INSR: variants seen among roughly 807,000 people sequenced by gnomAD.
INSR encodes the protein IR.
INSR carries 67 observed loss-of-function variants against 142.6 expected under a neutral mutation model. The ratio of observed to expected loss-of-function variants is 0.47; its 90% CI spans 0.39 to 0.58. INSR has a LOEUF of 0.58. Ranked by LOEUF, INSR falls within the 20% of genes least tolerant of loss-of-function variation. The probability of loss-of-function intolerance (pLI) is 0.00; values close to 1 mark genes in which losing one functional copy is unlikely to be tolerated. For synonymous variants in INSR, 756 were observed against 743.1 expected (o/e 1.02, Z -0.28); for missense variants, 1,248 against 1,833.2 (o/e 0.68, Z 5.83).
chr19:7,218,726 T>C (rs1363510573), intron 2 of INSR, among the ~76,000 whole-genome samples: 2 of 152,158 alleles, frequency 1.3e-5, no homozygotes, highest in Non-Finnish European at 2.9e-5. Flanking sequence ...ATATTTTTTG[T>C]ACAGATGGGG....
At chr19:7,252,702 G>A (rs1314931558) in intron 2 of INSR, among the ~76,000 whole-genome samples, 1 of 152,136 alleles carries the variant, frequency 6.6e-6, no homozygotes, top group African/African-American at 2.4e-5. Context: ...GGAAACACTC[G>A]GTAATAAAGC....
intron 2 of INSR, among the ~76,000 whole-genome samples, chr19:7,209,688 A>G (rs1975217743): frequency 6.6e-6 from 1 of 152,100 alleles, no homozygotes; most frequent in Non-Finnish European, 1.5e-5. Context: ...TGCTGGGATT[A>G]CAGGTGTGAG....
rs561680639 is a variant in INSR at position 7,122,007 on chromosome 19, G to A, written c.3529+607C>T. Among the ~76,000 whole-genome samples the A allele has an allele frequency of 3.2e-3, 483 of 152,218 alleles. 3 individuals carry two copies. Among genetic ancestry groups the A allele is most frequent in the Middle Eastern group, 0.01 (3 of 294 alleles). ...AAAATACAAAAAGTAGCTGGGTGTG[G>A]TGGCGCACGCCTGTAATCCTAGCTA... On this transcript the variant is annotated intron_variant, in intron 19 of 21. Transcript: ENST00000302850.
chr19:7,236,030 G>T (rs1976149464), intron 2 of INSR, among the ~76,000 whole-genome samples: 1 of 145,224 alleles, frequency 6.9e-6, no homozygotes, highest in African/African-American at 2.6e-5. Flanking sequence ...CTGGAGTGCA[G>T]TGGTGCGATC....
rs536521424 is a variant in INSR, at chr19:7,282,222, G to A, written c.100+11570C>T. Among the ~76,000 whole-genome samples the A allele has an allele frequency of 5.6e-3, 850 of 152,000 alleles. 8 individuals are homozygous for A. The highest frequency in any genetic ancestry group is 0.01 in the Middle Eastern group (3 of 294). On this transcript the variant is annotated intron_variant, in intron 1 of 21. Coordinates refer to ENST00000302850, the MANE Select transcript of INSR (RefSeq NM_000208.4). ...TCTACTAAAAATACAAAAATTAGCT[G>A]GGCGTGGTGGTGTACGCCTGTAATC...
At chr19:7,157,679 G>A (rs56055363) in intron 9 of INSR, among the ~76,000 whole-genome samples, 9,957 of 151,886 alleles carry the variant, frequency 0.066, 433 homozygotes, top group Non-Finnish European at 0.091. Context: ...TGAGATGGAC[G>A]GACACAGCTC....
At chr19:7,276,056 G>A (rs67054370) in intron 1 of INSR, among the ~76,000 whole-genome samples, 39,403 of 152,054 alleles carry the variant, frequency 0.26, 5,366 homozygotes, top group Non-Finnish European at 0.3. Flanking sequence ...GCAGGGCAGA[G>A]AAAGAACTTT....
At chr19:7,258,955 T>G in intron 2 of INSR, among the ~76,000 whole-genome samples, 1 of 144,156 alleles carries the variant, frequency 6.9e-6, no homozygotes, top group Non-Finnish European at 1.6e-5. Context: ...CTTCCTTCCT[T>G]CCTTCCCTCC....
intron 2 of INSR, among the ~76,000 whole-genome samples, chr19:7,208,129 C>A (rs1290213233): frequency 6.6e-6 from 1 of 152,054 alleles, no homozygotes; most frequent in African/African-American, 2.4e-5. Flanking sequence ...TCAAAGACAA[C>A]AACACCCTCT....
At chr19:7,246,880 T>C (rs111484336) in intron 2 of INSR, among the ~76,000 whole-genome samples, 5,280 of 131,610 alleles carry the variant, frequency 0.04, 630 homozygotes, top group African/African-American at 0.18. Flanking sequence ...GGGTGGTTTG[T>C]TACACAGCAA....
chr19:7,168,599 C>T lies in INSR; in HGVS notation c.1484-505G>A, dbSNP rs1973941014. The stretch of plus-strand genomic sequence containing the variant: ...CCTAGAAGACAAACCCTCTCCTAAA[C>T]CTCACCCCAACCTCGCTCTCTCTCC... On this transcript the variant is annotated intron_variant, in intron 6 of 21. Transcript: ENST00000302850. The surrounding 1 kb of genome is among the most constrained non-coding windows in gnomAD (Gnocchi z 4.3). Among the ~76,000 whole-genome samples the T allele has an allele frequency of 6.6e-6, 1 of 152,094 alleles. No individual in the cohort carries two copies. The highest frequency in any genetic ancestry group is 1.5e-5 in the Non-Finnish European group (1 of 68,022).
At chr19:7,167,933 C>T (rs765957135) in intron 7 of INSR, 35 bp downstream of exon 7, 12 of 1,613,160 alleles carry the variant, frequency 7.4e-6, no homozygotes, top group East Asian at 4.5e-5. Context: ...AGCCAGCCCT[C>T]GCCTCCTCAG....
intron 11 of INSR, among the ~76,000 whole-genome samples, chr19:7,147,804 G>A (rs1973220318): frequency 6.6e-6 from 1 of 152,172 alleles, no homozygotes. Context: ...TGAGAAATTG[G>A]TATCTCAACA....
rs1973945103 is a variant in INSR, at chr19:7,168,769, G to GT, written c.1484-676dup. On this transcript the variant is annotated intron_variant, in intron 6 of 21. Transcript: ENST00000302850. The surrounding 1 kb of genome is among the most constrained non-coding windows in gnomAD (Gnocchi z 4.3). ...CCACCACCACGTCCAGCTAGTTTTT[G>GT]TATTTTTTTTTTTTAGTAGAGATGG... Among the ~76,000 whole-genome samples, 1 of 135,956 alleles carries GT rather than the reference G, an allele frequency of 7.4e-6. No individual in the cohort carries two copies. Among genetic ancestry groups the GT allele is most frequent in the Non-Finnish European group, 1.5e-5 (1 of 65,474 alleles). The allele number at this position is 135,956 out of a possible 152,430, so 89.2% of individuals were successfully genotyped here. A position where few individuals can be genotyped will look rare whatever the true frequency, so the allele number is the denominator to read the frequency against.
chr19:7,188,648 G>A (rs1599967285), intron 2 of INSR, among the ~76,000 whole-genome samples: 1 of 151,848 alleles, frequency 6.6e-6, no homozygotes, highest in African/African-American at 2.4e-5. Flanking sequence ...GAGGTGGGTG[G>A]ACCACTTGAG....
Position 7,263,485 on chromosome 19 carries a change from CG to C in INSR, c.652+3859del, listed in dbSNP as rs566657552. ...ACCACATGCCAGGAACCCGGTACCC[CG>C]GGAAGTGTTAGTCGCACCTTCTCCG... On this transcript the variant is annotated intron_variant, in intron 2 of 21. Transcript: ENST00000302850. 2.6e-5 allele frequency among the ~76,000 whole-genome samples: 4 copies of C among 152,236 alleles called. No individual in the cohort carries two copies. The South Asian group carries it at 8.3e-4, about 32-fold the overall frequency.
intron 4 of INSR, among the ~76,000 whole-genome samples, chr19:7,173,682 C>T (rs11671419): frequency 0.21 from 28,966 of 136,960 alleles, 3,245 homozygotes; most frequent in Middle Eastern, 0.28. Context: ...TGCAGTGGCG[C>T]GATCCCAGCT....
At chr19:7,196,394 CAATT>C (rs1339375906) in intron 2 of INSR, among the ~76,000 whole-genome samples, 12 of 152,058 alleles carry the variant, frequency 7.9e-5, no homozygotes, top group East Asian at 5.8e-4. Flanking sequence ...AAAACGTAAA[CAATT>C]GATTGATCTA....
intron 13 of INSR, among the ~76,000 whole-genome samples, chr19:7,140,091 T>G (rs1161264389): frequency 1.3e-5 from 2 of 152,172 alleles, no homozygotes; most frequent in African/African-American, 4.8e-5. Flanking sequence ...TACAATGCTC[T>G]GCAAGCCAGA....
Sources: allele counts gnomAD v4.1 joint callset (sites outside exome capture counted in the v4.1 genomes callset), GRCh38; gene constraint gnomAD v4.1.1; non-coding constraint Gnocchi (gnomAD v3.1); transcripts MANE v1.5; gene names NCBI Gene and HGNC (gene_info 2026-07-23, HGNC 2026-07-21).